LHPP: variants seen among roughly 807,000 people sequenced by gnomAD.
The protein encoded by LHPP is phospholysine phosphohistidine inorganic pyrophosphate phosphatase, also known as hLHPP.
In LHPP, 24 loss-of-function variants were observed where a neutral mutation model predicts 30.3. The ratio of observed to expected loss-of-function variants is 0.79; its 90% CI spans 0.57 to 1.11. LHPP has a LOEUF of 1.11. LHPP is among the 50% of genes most tolerant of loss of function. The pLI, the probability that LHPP is intolerant of heterozygous loss-of-function variation, is 0.00. For missense variants in LHPP, 356 were observed against 367.2 expected (o/e 0.97, Z 0.25); for synonymous variants, 150 against 157.1 (o/e 0.95, Z 0.34).
Position 124,510,804 on chromosome 10 carries a change from T to C in LHPP, c.625-6376T>C, listed in dbSNP as rs1270402622. On this transcript the variant is annotated intron_variant, in intron 5 of 6. Coordinates refer to ENST00000368842, the MANE Select transcript of LHPP (RefSeq NM_022126.4). The surrounding 1 kb of genome is among the most constrained non-coding windows in gnomAD (Gnocchi z 4.0). ...GTCCTGAATTGGAGTGCTGTGAATG[T>C]TCACTGCTGACCTCACGGTTTGAAG... Among the ~76,000 whole-genome samples the C allele has an allele frequency of 6.6e-6, 1 of 152,238 alleles. No individual in the cohort carries two copies. The highest frequency in any genetic ancestry group is 1.5e-5 in the Non-Finnish European group (1 of 68,040).
At chr10:124,573,646 A>G (rs890318635) in intron 6 of LHPP, among the ~76,000 whole-genome samples, 1 of 152,166 alleles carries the variant, frequency 6.6e-6, no homozygotes, top group African/African-American at 2.4e-5. Flanking sequence ...ATGCTTCTGT[A>G]TACTTGTGTG....
chr10:124,597,783 C>CG (rs1948968116), intron 6 of LHPP, among the ~76,000 whole-genome samples: 2 of 152,248 alleles, frequency 1.3e-5, no homozygotes, highest in East Asian at 3.9e-4. Context: ...ATACAGACCT[C>CG]GGGGGGATCT....
intron 6 of LHPP, among the ~76,000 whole-genome samples, chr10:124,606,936 A>G (rs11594077): frequency 0.095 from 14,467 of 151,580 alleles, 735 homozygotes; most frequent in Admixed American, 0.15. Flanking sequence ...GTCTGTCTCT[A>G]CTCGCCTGCC....
At chr10:124,498,415 G>T in intron 5 of LHPP, 1 of 1,539,732 alleles carries the variant, frequency 6.5e-7, no homozygotes, top group African/African-American at 1.4e-5. Context: ...GAATTGACAA[G>T]TCCTATCAGT....
intron 5 of LHPP, among the ~76,000 whole-genome samples, chr10:124,514,404 C>T (rs1418480146): frequency 3.3e-5 from 5 of 150,962 alleles, no homozygotes; most frequent in East Asian, 3.9e-4. Context: ...ATTTCCGCTT[C>T]GGATGTCTGA....
intron 6 of LHPP, among the ~76,000 whole-genome samples, chr10:124,601,821 C>A (rs1949026369): frequency 2.0e-5 from 3 of 152,272 alleles, no homozygotes; most frequent in Admixed American, 2.0e-4. Context: ...AGGCCTGGCT[C>A]CCCGGGTCCT....
chr10:124,498,202 A>G (rs17620824), intron 5 of LHPP, 74 bp downstream of exon 5: 465,589 of 1,370,662 alleles, frequency 0.34, 74,045 homozygotes, highest in African/African-American at 0.47. Context: ...GGAATGGATT[A>G]CAGGACTCAG....
chr10:124,613,810 A>G lies in LHPP; in HGVS notation c.*450A>G, dbSNP rs1949234100. The G allele has an allele frequency of 5.1e-6, 1 of 197,232 alleles. No homozygotes were observed. Among genetic ancestry groups the G allele is most frequent in the Admixed American group, 5.4e-5 (1 of 18,612 alleles). 12.2% of individuals were successfully genotyped at this position (197,232 alleles called of 1,614,324 possible). The stretch of plus-strand genomic sequence containing the variant: ...TTTGCATTTCAGTGAAGAGCCTGGA[A>G]GAAACCCAGGGGCCTCCTATGCACA... On this transcript the variant is annotated 3_prime_UTR_variant, in exon 7 of 7. Coordinates refer to ENST00000368842, the MANE Select transcript of LHPP (RefSeq NM_022126.4).
At chr10:124,540,844 G>A (rs1176276637) in intron 6 of LHPP, among the ~76,000 whole-genome samples, 5 of 152,166 alleles carry the variant, frequency 3.3e-5, no homozygotes, top group Non-Finnish European at 5.9e-5. Context: ...CAGATCTCCC[G>A]GGAGTTGGAT....
chr10:124,598,933 C>A (rs1948987494), intron 6 of LHPP, among the ~76,000 whole-genome samples: 1 of 151,750 alleles, frequency 6.6e-6, no homozygotes, highest in South Asian at 2.1e-4. Context: ...CCTTTTCTGT[C>A]CATCCCCGTC....
intron 6 of LHPP, among the ~76,000 whole-genome samples, chr10:124,535,573 A>ATTTTTTTT: frequency 6.8e-6 from 1 of 146,730 alleles, no homozygotes; most frequent in Non-Finnish European, 1.5e-5. Flanking sequence ...TTAAAAAAAC[A>ATTTTTTTT]TTTTTTTTTT....
At chr10:124,603,709 G>A (rs374653433) in intron 6 of LHPP, among the ~76,000 whole-genome samples, 7 of 152,306 alleles carry the variant, frequency 4.6e-5, no homozygotes, top group East Asian at 1.9e-4. Context: ...TGGACCCTCC[G>A]GTCCCTCCAG....
chr10:124,610,971 G>GTGT, intron 6 of LHPP, among the ~76,000 whole-genome samples: 1 of 74,016 alleles, frequency 1.4e-5, no homozygotes, highest in African/African-American at 5.1e-5. Flanking sequence ...GAGGGTGCGG[G>GTGT]TGAGGGTGCT....
chr10:124,577,606 T>TG (rs1191823374), intron 6 of LHPP, among the ~76,000 whole-genome samples: 3 of 101,814 alleles, frequency 2.9e-5, no homozygotes, highest in Non-Finnish European at 7.2e-5. Flanking sequence ...TGTCACCCTG[T>TG]GGTCATCTCT....
At chr10:124,489,122 G>A (rs1245007756) in intron 3 of LHPP, among the ~76,000 whole-genome samples, 2 of 152,194 alleles carry the variant, frequency 1.3e-5, no homozygotes, top group Non-Finnish European at 2.9e-5. Context: ...ACAAAACAGT[G>A]TTGGTTATTT....
chr10:124,597,256 C>G (rs1279466141), intron 6 of LHPP, among the ~76,000 whole-genome samples: 1 of 152,196 alleles, frequency 6.6e-6, no homozygotes, highest in Non-Finnish European at 1.5e-5. Context: ...TGAGCCAGTT[C>G]TCCCTAATAA....
intron 1 of LHPP, among the ~76,000 whole-genome samples, chr10:124,480,727 T>C (rs1043699829): frequency 6.6e-6 from 1 of 152,202 alleles, no homozygotes; most frequent in East Asian, 1.9e-4. Context: ...CTAAGTGTAA[T>C]TGATAATTCA....
At position 124,517,504 on chromosome 10, in the gene LHPP, G is replaced by A. The variant is rs528084606; in HGVS notation, c.716+233G>A. ...TACAGGGTCTGGGTTTTGGAATGGC[G>A]TGCAGTGCAGAGAGAAATAAGCAAA... is the stretch of plus-strand genomic sequence containing the variant. On this transcript the variant is annotated intron_variant, in intron 6 of 6. Coordinates refer to ENST00000368842, the MANE Select transcript of LHPP (RefSeq NM_022126.4). This position sits in a 1 kb window ranked among gnomAD's most constrained non-coding sequence, Gnocchi z 4.1. The A allele has an allele frequency of 1.9e-5, 6 of 322,790 alleles. No homozygotes were observed. The highest frequency in any genetic ancestry group is 5.8e-5 in the East Asian group (1 of 17,272). The allele number at this position is 322,790 out of a possible 1,614,324, so 20.0% of individuals were successfully genotyped here. A position where few individuals can be genotyped will look rare whatever the true frequency, so the allele number is the denominator to read the frequency against.
At chr10:124,598,631 G>A (rs990721917) in intron 6 of LHPP, among the ~76,000 whole-genome samples, 19 of 107,440 alleles carry the variant, frequency 1.8e-4, no homozygotes, top group South Asian at 1.2e-3. Flanking sequence ...CCACCCATCC[G>A]TCCGTCCATC....
Sources: allele counts gnomAD v4.1 joint callset (sites outside exome capture counted in the v4.1 genomes callset), GRCh38; gene constraint gnomAD v4.1.1; non-coding constraint Gnocchi (gnomAD v3.1); transcripts MANE v1.5; gene names NCBI Gene and HGNC (gene_info 2026-07-23, HGNC 2026-07-21).